Variants in MSH4 observed in about 807,000 individuals in gnomAD.
MSH4 encodes mutS protein homolog 4.
Under a neutral mutation model 113.7 loss-of-function variants are expected in MSH4, and 106 were observed. The ratio of observed to expected loss-of-function variants is 0.93; its 90% CI spans 0.80 to 1.10. MSH4 has a LOEUF of 1.10. Among genes scored for constraint, MSH4 ranks in the 50% least tolerant of loss-of-function variants. The pLI is 0.00. For missense variants in MSH4, 1,061 were observed against 1,093.7 expected (o/e 0.97, Z 0.42); for synonymous variants, 368 against 380.2 (o/e 0.97, Z 0.37).
intron 1 of MSH4, among the ~76,000 whole-genome samples, chr1:75,798,729 A>C (rs990694859): frequency 6.6e-6 from 1 of 151,286 alleles, no homozygotes; most frequent in Non-Finnish European, 1.5e-5. Flanking sequence ...CTAATTTAAA[A>C]AATTTTTTTG....
chr1:75,810,412 ATTTTTTTTTT>A (rs760146124), intron 3 of MSH4, among the ~76,000 whole-genome samples: 3 of 104,530 alleles, frequency 2.9e-5, no homozygotes, highest in Non-Finnish European at 5.5e-5. Flanking sequence ...TAATTTTTGT[ATTTTTTTTTT>A]TTTTTTTTTT....
At chr1:75,813,822 G>A (rs1650238132) in intron 4 of MSH4, among the ~76,000 whole-genome samples, 1 of 151,752 alleles carries the variant, frequency 6.6e-6, no homozygotes, top group Admixed American at 6.6e-5. Context: ...TCTAGCTTGG[G>A]CAACATAGTG....
At chr1:75,820,860 C>G (rs1309403955) in intron 6 of MSH4, among the ~76,000 whole-genome samples, 6 of 151,514 alleles carry the variant, frequency 4.0e-5, no homozygotes, top group Admixed American at 4.0e-4. Flanking sequence ...GCTAACTATC[C>G]TAAATATATA....
chr1:75,899,703 T>A lies in MSH4; in HGVS notation c.2616T>A (p.Ile872=). The change falls in exon 19 of 20, where the codon ATT becomes ATA. Residue 872 remains isoleucine, a synonymous_variant. Transcript: ENST00000263187. ...KEITTQITRQ[I]LQNQRSTPEM... is the part of the protein sequence containing the mutation. ...TCACAACTCAAATTACGAGACAAAT[T>A]TTGGTAAGAAACTTTGTTCTTATTT... 1 of 1,489,896 alleles carries A rather than the reference T, an allele frequency of 6.7e-7. No homozygotes were observed. Among genetic ancestry groups the A allele is most frequent in the Non-Finnish European group, 8.9e-7 (1 of 1,125,680 alleles). 92.3% of individuals were successfully genotyped at this position (1,489,896 alleles called of 1,614,324 possible).
rs750323271 is a variant in MSH4, at chr1:75,912,766, A to T, written c.2690A>T (p.Gln897Leu). 1.5e-5 allele frequency: 24 copies of T among 1,595,276 alleles called. No individual in the cohort carries two copies. Among genetic ancestry groups the T allele is most frequent in the Non-Finnish European group, 1.6e-5 (19 of 1,171,560 alleles). Reference protein sequence around the residue: ...AVYHLATRLVQTARNSQLDPD... With the variant: ...AVYHLATRLVLTARNSQLDPD... ...TACCATCTAGCCACTAGGCTTGTTC[A>T]AACTGCTCGAAACTCTCAATTGGAT... Residue 897 changes from glutamine to leucine, a missense_variant, in exon 20 of 20, where the codon CAA (glutamine) becomes CTA (leucine). Transcript: ENST00000263187.
At chr1:75,882,950 T>G (rs1651968008) in intron 14 of MSH4, among the ~76,000 whole-genome samples, 1 of 152,146 alleles carries the variant, frequency 6.6e-6, no homozygotes, top group South Asian at 2.1e-4. Context: ...GTATTACCAG[T>G]AACCAACTAT....
chr1:75,893,492 T>G (rs980957475), intron 17 of MSH4, among the ~76,000 whole-genome samples: 3 of 152,114 alleles, frequency 2.0e-5, no homozygotes, highest in Non-Finnish European at 4.4e-5. Flanking sequence ...TCTGATGAGT[T>G]GTCTTTGCCA....
At chr1:75,818,725 C>T (rs1650344146) in intron 6 of MSH4, among the ~76,000 whole-genome samples, 1 of 148,906 alleles carries the variant, frequency 6.7e-6, no homozygotes, top group South Asian at 2.2e-4. Context: ...ACTAAAGCAA[C>T]CACCCTGGTC....
At chr1:75,892,633 TAGTGTCACTAGA>T (rs1249292924) in intron 17 of MSH4, among the ~76,000 whole-genome samples, 1 of 152,190 alleles carries the variant, frequency 6.6e-6, no homozygotes, top group Non-Finnish European at 1.5e-5. Flanking sequence ...TGGTTGCTCC[TAGTGTCACTAGA>T]CAAAGTTGGG....
intron 19 of MSH4, among the ~76,000 whole-genome samples, chr1:75,907,688 A>C (rs984919279): frequency 7.8e-3 from 121 of 15,498 alleles, no homozygotes; most frequent in East Asian, 0.056. Flanking sequence ...CTCTCTCTAT[A>C]CATATATATA....
chr1:75,822,473 C>T lies in MSH4; in HGVS notation c.1054C>T (p.Arg352Cys), dbSNP rs1279760673. The change falls in exon 7 of 20, where the codon CGT becomes TGT. Residue 352 changes from arginine to cysteine, a missense_variant. Coordinates refer to ENST00000263187, the MANE Select transcript of MSH4 (RefSeq NM_002440.4). ...TKTPGGSRRL[R>C]SNILEPLVDI... is the part of the protein sequence containing the mutation. The stretch of plus-strand genomic sequence containing the variant: ...GACTCCTGGAGGGAGTAGACGACTT[C>T]GTTCTAATATATTAGAGCCTCTAGT... The T allele has an allele frequency of 4.4e-6, 7 of 1,584,650 alleles. No individual in the cohort carries two copies. Among genetic ancestry groups the T allele is most frequent in the Middle Eastern group, 1.7e-4 (1 of 5,932 alleles).
At chr1:75,826,373 G>T (rs1650553453) in intron 7 of MSH4, among the ~76,000 whole-genome samples, 1 of 151,540 alleles carries the variant, frequency 6.6e-6, no homozygotes, top group African/African-American at 2.4e-5. Context: ...TTATTAGTCT[G>T]CATAGTGGTC....
At chr1:75,840,413 A>G (rs1455722453) in intron 7 of MSH4, among the ~76,000 whole-genome samples, 21 of 146,894 alleles carry the variant, frequency 1.4e-4, no homozygotes, top group Non-Finnish European at 2.4e-4. Context: ...GTAAACTATC[A>G]CAAGAACAAA....
At chr1:75,809,873 A>G (rs1650150434) in intron 3 of MSH4, among the ~76,000 whole-genome samples, 1 of 151,774 alleles carries the variant, frequency 6.6e-6, no homozygotes, top group African/African-American at 2.4e-5. Context: ...CTGGTTGTGA[A>G]CTCCTGACCT....
chr1:75,892,156 G>A (rs115060141), intron 17 of MSH4, among the ~76,000 whole-genome samples: 118 of 152,246 alleles, frequency 7.8e-4, no homozygotes, highest in African/African-American at 2.7e-3. Context: ...CTCCTTCCTG[G>A]CTGCCTTCAG....
At chr1:75,835,876 A>G (rs1407360047) in intron 7 of MSH4, among the ~76,000 whole-genome samples, 1 of 152,156 alleles carries the variant, frequency 6.6e-6, no homozygotes, top group Non-Finnish European at 1.5e-5. Context: ...TGCTCTTGTC[A>G]AGGTCACTGG....
intron 1 of MSH4, among the ~76,000 whole-genome samples, chr1:75,803,094 G>A (rs1165823049): frequency 6.6e-6 from 1 of 152,012 alleles, no homozygotes; most frequent in Non-Finnish European, 1.5e-5. Context: ...ACTTCACTGG[G>A]GATTAAATTT....
At chr1:75,832,588 C>A (rs566204821) in intron 7 of MSH4, among the ~76,000 whole-genome samples, 1 of 152,220 alleles carries the variant, frequency 6.6e-6, no homozygotes, top group South Asian at 2.1e-4. Context: ...TTATCCACCA[C>A]GATCAAGGCG....
At chr1:75,833,407 A>C (rs1650751792) in intron 7 of MSH4, among the ~76,000 whole-genome samples, 1 of 152,208 alleles carries the variant, frequency 6.6e-6, no homozygotes, top group Admixed American at 6.5e-5. Flanking sequence ...GCTACGAATG[A>C]CTTTCTTCAC....
Sources: allele counts gnomAD v4.1 joint callset (sites outside exome capture counted in the v4.1 genomes callset), GRCh38; gene constraint gnomAD v4.1.1; transcripts MANE v1.5; gene names NCBI Gene and HGNC (gene_info 2026-07-23, HGNC 2026-07-21).